CARF: variants seen among roughly 807,000 people sequenced by gnomAD.
CARF encodes the protein calcium-responsive transcription factor.
In CARF, 57 loss-of-function variants were observed where a neutral mutation model predicts 82.0. That is an observed-to-expected ratio of 0.70 (90% CI 0.56 to 0.87). The LOEUF (loss-of-function observed/expected upper bound fraction) is 0.87. CARF is among the 40% of genes least tolerant of loss of function. The pLI, the probability that CARF is intolerant of heterozygous loss-of-function variation, is 0.00. For missense variants in CARF, 771 were observed against 855.8 expected (o/e 0.90, Z 1.24); for synonymous variants, 268 against 290.1 (o/e 0.92, Z 0.77).
chr2:202,975,911 G>A (rs948088563), intron 13 of CARF, among the ~76,000 whole-genome samples: 1 of 151,676 alleles, frequency 6.6e-6, no homozygotes, highest in Admixed American at 6.6e-5. Context: ...CGGGCGCGGT[G>A]GCAGGTGCCT....
chr2:202,923,714 AT>A (rs1691271153), intron 2 of CARF, among the ~76,000 whole-genome samples: 1 of 152,204 alleles, frequency 6.6e-6, no homozygotes, highest in South Asian at 2.1e-4. Flanking sequence ...ACATTACCTG[AT>A]TTCGAACTAT....
At chr2:202,967,825 A>G (rs1241162798) in intron 10 of CARF, among the ~76,000 whole-genome samples, 1 of 152,184 alleles carries the variant, frequency 6.6e-6, no homozygotes, top group Non-Finnish European at 1.5e-5. Context: ...GATTTTATCA[A>G]TTTAGCAGCA....
chr2:202,920,401 C>A (rs957858219), intron 2 of CARF, among the ~76,000 whole-genome samples: 9 of 152,036 alleles, frequency 5.9e-5, no homozygotes, highest in Non-Finnish European at 1.0e-4. Context: ...GTGATCCGCC[C>A]GCCTCGGCCT....
intron 8 of CARF, 58 bp from the exon 9 acceptor site, chr2:202,961,179 A>C (rs2059305485): frequency 7.2e-7 from 1 of 1,393,884 alleles, no homozygotes; most frequent in Middle Eastern, 1.8e-4. Flanking sequence ...ATCTCATTAC[A>C]TTTATTATGC....
At chr2:202,969,368 G>A (rs1234039218) in intron 10 of CARF, among the ~76,000 whole-genome samples, 4 of 151,940 alleles carry the variant, frequency 2.6e-5, no homozygotes, top group Non-Finnish European at 5.9e-5. Flanking sequence ...CTGAGGTTGG[G>A]AGTTCCAGAT....
intron 3 of CARF, among the ~76,000 whole-genome samples, chr2:202,938,900 TA>T (rs955668334): frequency 6.6e-6 from 1 of 152,124 alleles, no homozygotes; most frequent in African/African-American, 2.4e-5. Flanking sequence ...CTTAAAACCT[TA>T]AATACTATTC....
chr2:202,951,644 G>C (rs1435444160), intron 5 of CARF, among the ~76,000 whole-genome samples: 1 of 151,922 alleles, frequency 6.6e-6, no homozygotes, highest in Non-Finnish European at 1.5e-5. Flanking sequence ...CTTTTTAGTT[G>C]ATATTGCTCT....
At chr2:202,976,753 C>T (rs1047945022) in intron 13 of CARF, among the ~76,000 whole-genome samples, 2 of 150,738 alleles carry the variant, frequency 1.3e-5, no homozygotes, top group Admixed American at 6.6e-5. Flanking sequence ...TCACTGTCAC[C>T]CAGCCAGAGT....
intron 10 of CARF, among the ~76,000 whole-genome samples, chr2:202,969,188 G>T (rs1049379844): frequency 1.3e-5 from 2 of 152,124 alleles, no homozygotes; most frequent in Non-Finnish European, 2.9e-5. Context: ...AGCTACTGGG[G>T]GAGGCTGAGG....
Position 202,971,560 on chromosome 2 carries a change from C to A in CARF, c.1153C>A (p.Pro385Thr), listed in dbSNP as rs761619134. The A allele has an allele frequency of 1.2e-6, 2 of 1,613,674 alleles. No individual in the cohort carries two copies. The highest frequency in any genetic ancestry group is 1.7e-6 in the Non-Finnish European group (2 of 1,179,786). The change falls in exon 12 of 17, where the codon CCC becomes ACC. Residue 385 changes from proline (P) to threonine (T), a missense_variant. Physicochemically the swap from Pro to Thr is conservative, Grantham distance 38 (BLOSUM62 -1). Coordinates refer to ENST00000438828, the MANE Select transcript of CARF (RefSeq NM_024744.17). ...TCATCAGTATCATGAATTAGAGACT[C>A]CCTGCCTCACTTTGTCACCTTCTCC... ...QAHQYHELET[P>T]CLTLSPSPFP...
intron 3 of CARF, among the ~76,000 whole-genome samples, chr2:202,937,945 A>G: frequency 6.6e-6 from 1 of 151,690 alleles, no homozygotes; most frequent in African/African-American, 2.4e-5. Context: ...AAAAAAAAAA[A>G]ATGTTTTAAT....
At position 202,941,913 on chromosome 2, in the gene CARF, C is replaced by T; in HGVS notation, c.11C>T (p.Ser4Phe). The change falls in exon 4 of 17, where the codon TCT becomes TTT. Residue 4 changes from serine to phenylalanine, a missense_variant. Physicochemically the swap from Ser to Phe is radical, Grantham distance 155. Coordinates refer to ENST00000438828, the MANE Select transcript of CARF (RefSeq NM_024744.17). MEQ[S>F]NDSLRVNHND... The stretch of plus-strand genomic sequence containing the variant: ...GAATATGATGTCAGCATGGAACAAT[C>T]TAATGATTCATTAAGAGTCAACCAT... The T allele has an allele frequency of 1.9e-6, 3 of 1,612,362 alleles. No individual in the cohort carries two copies. Among genetic ancestry groups the T allele is most frequent in the Non-Finnish European group, 2.5e-6 (3 of 1,178,766 alleles).
intron 5 of CARF, among the ~76,000 whole-genome samples, chr2:202,945,751 G>T (rs1194116561): frequency 6.6e-6 from 1 of 152,060 alleles, no homozygotes; most frequent in Non-Finnish European, 1.5e-5. Flanking sequence ...TTGCTATTGT[G>T]AGTAGGGCAT....
chr2:202,974,225 A>C, intron 12 of CARF, 109 bp from the exon 13 acceptor site: 1 of 742,132 alleles, frequency 1.3e-6, no homozygotes. Flanking sequence ...ACAGAGCTAT[A>C]AACCATACTT....
chr2:202,952,706 T>C (rs2058813184), intron 6 of CARF, 27 bp downstream of exon 6: 3 of 1,579,374 alleles, frequency 1.9e-6, no homozygotes, highest in Non-Finnish European at 1.7e-6. Flanking sequence ...TATAGGGGAT[T>C]TGAGAGTGTT....
chr2:202,949,186 T>A (rs1316303161), intron 5 of CARF, among the ~76,000 whole-genome samples: 3 of 151,882 alleles, frequency 2.0e-5, no homozygotes, highest in Non-Finnish European at 2.9e-5. Context: ...ATATGAAAAT[T>A]AGCCAGGCAT....
In CARF at chr2:202,974,362, C is replaced by G; in HGVS notation, c.1360C>G (p.Pro454Ala). The G allele has an allele frequency of 6.2e-7, 1 of 1,606,438 alleles. No individual in the cohort carries two copies. Among genetic ancestry groups the G allele is most frequent in the Non-Finnish European group, 8.5e-7 (1 of 1,178,146 alleles). The change falls in exon 13 of 17, where the codon CCC becomes GCC. Residue 454 changes from proline to alanine, a missense_variant. Coordinates refer to ENST00000438828, the MANE Select transcript of CARF (RefSeq NM_024744.17). ...ATTTGTGGAAAGGGAACTGTTCAAA[C>G]CCGATGAGGTACCTGAAAGACATAA... ...RKFVERELFK[P>A]DEVPERHNLS...
chr2:202,972,420 T>C (rs1328771557), intron 12 of CARF, among the ~76,000 whole-genome samples: 5 of 151,824 alleles, frequency 3.3e-5, no homozygotes, highest in Non-Finnish European at 5.9e-5. Context: ...GGCTCACGCC[T>C]GTAATCCCAG....
intron 14 of CARF, among the ~76,000 whole-genome samples, chr2:202,979,933 G>T (rs2105938683): frequency 6.6e-6 from 1 of 152,276 alleles, no homozygotes; most frequent in East Asian, 1.9e-4. Flanking sequence ...TATTATGGAA[G>T]CAATAAATGT....
Sources: allele counts gnomAD v4.1 joint callset (sites outside exome capture counted in the v4.1 genomes callset), GRCh38; gene constraint gnomAD v4.1.1; transcripts MANE v1.5; gene names NCBI Gene and HGNC (gene_info 2026-07-23, HGNC 2026-07-21).